The following TRPC7 variants were observed in gnomAD, a reference collection of about 807,000 sequenced individuals.
The protein encoded by TRPC7 is transient receptor potential cation channel subfamily C member 7.
In TRPC7, 42 loss-of-function variants were observed where a neutral mutation model predicts 90.1. The ratio of observed to expected loss-of-function variants is 0.47; its 90% CI spans 0.36 to 0.60. TRPC7 has a LOEUF of 0.60. Among genes scored for constraint, TRPC7 ranks in the 20% least tolerant of loss-of-function variants. The probability of loss-of-function intolerance (pLI) is 0.00; values close to 1 mark genes in which losing one functional copy is unlikely to be tolerated. For missense variants in TRPC7, 955 were observed against 1,112.3 expected, an observed-to-expected ratio of 0.86 and a Z score of 2.01; for synonymous variants, 451 against 436.3, an observed-to-expected ratio of 1.03 and a Z score of -0.42.
chr5:136,274,542 G>T (rs879411950), intron 4 of TRPC7, 131 bp downstream of exon 4: 2 of 988,980 alleles, frequency 2.0e-6, no homozygotes, highest in Admixed American at 7.9e-5. Flanking sequence ...TACTTTCACC[G>T]GGTATCTCAG....
At chr5:136,225,193 G>T in intron 10 of TRPC7, 81 bp downstream of exon 10, 1 of 1,247,216 alleles carries the variant, frequency 8.0e-7, no homozygotes, top group Non-Finnish European at 1.1e-6. Flanking sequence ...CTCGGGGGAT[G>T]ACACAGTCAT....
At chr5:136,276,560 A>G (rs1029581487) in intron 3 of TRPC7, among the ~76,000 whole-genome samples, 2 of 152,222 alleles carry the variant, frequency 1.3e-5, no homozygotes, top group South Asian at 4.2e-4. Context: ...GTAACAGCCA[A>G]ACTATCTTTG....
intron 3 of TRPC7, among the ~76,000 whole-genome samples, chr5:136,280,033 G>A (rs1757494699): frequency 6.6e-6 from 1 of 152,092 alleles, no homozygotes; most frequent in South Asian, 2.1e-4. Context: ...GGTGGCTGGT[G>A]CCTGTAATCC....
intron 8 of TRPC7, among the ~76,000 whole-genome samples, chr5:136,228,602 G>A (rs115385005): frequency 6.6e-6 from 1 of 151,598 alleles, no homozygotes; most frequent in African/African-American, 2.4e-5. Context: ...GCTGGAGAAG[G>A]CTGTGCTGCT....
intron 3 of TRPC7, among the ~76,000 whole-genome samples, chr5:136,290,213 G>A (rs962590180): frequency 6.6e-6 from 1 of 152,290 alleles, no homozygotes; most frequent in Non-Finnish European, 1.5e-5. Context: ...AGAAAAACTG[G>A]AAACTCTAAA....
At chr5:136,245,837 G>A (rs1036495554) in intron 7 of TRPC7, among the ~76,000 whole-genome samples, 2 of 152,184 alleles carry the variant, frequency 1.3e-5, no homozygotes, top group African/African-American at 4.8e-5. Context: ...AATAAGGTGG[G>A]AAACCTTATT....
At chr5:136,282,435 A>T (rs1246340806) in intron 3 of TRPC7, among the ~76,000 whole-genome samples, 1 of 152,140 alleles carries the variant, frequency 6.6e-6, no homozygotes, top group African/African-American at 2.4e-5. Flanking sequence ...TTTGTATTTT[A>T]TTTTTACATA....
intron 10 of TRPC7, chr5:136,221,978 C>T (rs931695289): frequency 6.6e-6 from 1 of 152,170 alleles, no homozygotes; most frequent in African/African-American, 2.4e-5. Flanking sequence ...AACAAACTGA[C>T]AAGCTGGATC....
At chr5:136,270,180 G>A (rs962644431) in intron 4 of TRPC7, among the ~76,000 whole-genome samples, 14 of 152,288 alleles carry the variant, frequency 9.2e-5, no homozygotes, top group African/African-American at 2.9e-4. Flanking sequence ...GTGTGTGCGC[G>A]CACACGTGGG....
At chr5:136,360,835 T>G (rs1225609577) in intron 1 of TRPC7, among the ~76,000 whole-genome samples, 2 of 152,204 alleles carry the variant, frequency 1.3e-5, no homozygotes, top group Admixed American at 1.3e-4. Flanking sequence ...GGAGGCCTTT[T>G]AACCTCACTG....
chr5:136,216,699 G>C (rs576541331), intron 10 of TRPC7, among the ~76,000 whole-genome samples: 3 of 152,340 alleles, frequency 2.0e-5, no homozygotes, highest in African/African-American at 7.2e-5. Context: ...GGCCTGCCTG[G>C]GTGGAGCTGC....
intron 6 of TRPC7, among the ~76,000 whole-genome samples, chr5:136,248,302 T>C (rs965388890): frequency 2.0e-5 from 3 of 152,258 alleles, no homozygotes; most frequent in African/African-American, 7.2e-5. Flanking sequence ...TTTTGAGCTT[T>C]ATTTTCCTCC....
chr5:136,329,049 C>A (rs1308809563), intron 2 of TRPC7, among the ~76,000 whole-genome samples: 2 of 152,246 alleles, frequency 1.3e-5, no homozygotes, highest in African/African-American at 4.8e-5. Context: ...CTTCTGCTGG[C>A]ACATTGGTCT....
At chr5:136,301,758 T>C (rs1304748886) in intron 3 of TRPC7, among the ~76,000 whole-genome samples, 1 of 152,246 alleles carries the variant, frequency 6.6e-6, no homozygotes, top group Non-Finnish European at 1.5e-5. Context: ...TCAGCCTGCC[T>C]GCACCCAGGT....
At chr5:136,300,603 C>A (rs1758344032) in intron 3 of TRPC7, among the ~76,000 whole-genome samples, 1 of 152,220 alleles carries the variant, frequency 6.6e-6, no homozygotes. Context: ...AACTACCAGG[C>A]CAGAACTGGC....
At position 136,213,423 on chromosome 5, in the gene TRPC7, C is replaced by T. The variant is rs765374203; in HGVS notation, c.*12G>A. The stretch of plus-strand genomic sequence containing the variant: ...GAATGCTGGTAGAAGTCACAGACGC[C>T]GATGTGGGCTGCTAAATGTCTTTGC... On this transcript the variant is annotated 3_prime_UTR_variant, in exon 12 of 12. Transcript: ENST00000513104. The T allele has an allele frequency of 1.4e-5, 23 of 1,612,606 alleles. No homozygotes were observed. Among genetic ancestry groups the T allele is most frequent in the African/African-American group, 9.3e-5 (7 of 74,874 alleles).
intron 5 of TRPC7, among the ~76,000 whole-genome samples, chr5:136,265,641 T>C (rs1756998466): frequency 6.6e-6 from 1 of 152,192 alleles, no homozygotes; most frequent in African/African-American, 2.4e-5. Flanking sequence ...ATGAGGAAAT[T>C]GGGAACAATT....
chr5:136,284,595 C>T (rs1240022024), intron 3 of TRPC7, among the ~76,000 whole-genome samples: 4 of 152,166 alleles, frequency 2.6e-5, no homozygotes, highest in Non-Finnish European at 5.9e-5. Context: ...GCTCTCATTG[C>T]CCTCAATGCC....
At chr5:136,265,650 T>C (rs1400691728) in intron 5 of TRPC7, among the ~76,000 whole-genome samples, 1 of 152,164 alleles carries the variant, frequency 6.6e-6, no homozygotes, top group Non-Finnish European at 1.5e-5. Flanking sequence ...TTGGGAACAA[T>C]TTCCTTGGCA....
Sources: allele counts gnomAD v4.1 joint callset (sites outside exome capture counted in the v4.1 genomes callset), GRCh38; gene constraint gnomAD v4.1.1; transcripts MANE v1.5; gene names NCBI Gene and HGNC (gene_info 2026-07-23, HGNC 2026-07-21).